ABTB3: variants seen among roughly 807,000 people sequenced by gnomAD.
The protein encoded by ABTB3 is ankyrin repeat and BTB domain containing 3, also known as ankyrin repeat- and BTB/POZ domain-containing protein 3.
the ABTB3 span, among the ~76,000 whole-genome samples, chr12:107,467,407 T>G: frequency 6.6e-6 from 1 of 152,168 alleles, no homozygotes; most frequent in Non-Finnish European, 1.5e-5. Context: ...AAGCCTGGTG[T>G]GGCCTGGCGT....
the ABTB3 span, among the ~76,000 whole-genome samples, chr12:107,526,494 T>C: frequency 6.6e-6 from 1 of 152,148 alleles, no homozygotes; most frequent in Non-Finnish European, 1.5e-5. Context: ...TAATTTGCTT[T>C]TGGTCCCATC....
the ABTB3 span, among the ~76,000 whole-genome samples, chr12:107,379,456 ACT>A: frequency 2.0e-5 from 3 of 151,828 alleles, no homozygotes; most frequent in South Asian, 6.3e-4. Context: ...CCCTGCACAC[ACT>A]CTCTTGCCTG....
chr12:107,342,448 C>T, the ABTB3 span, among the ~76,000 whole-genome samples: 1 of 152,164 alleles, frequency 6.6e-6, no homozygotes, highest in Non-Finnish European at 1.5e-5. Flanking sequence ...ATCTCCCACA[C>T]TGGCCAGAGC....
the ABTB3 span, among the ~76,000 whole-genome samples, chr12:107,435,009 G>C: frequency 6.6e-6 from 1 of 152,234 alleles, no homozygotes; most frequent in African/African-American, 2.4e-5. Flanking sequence ...TCCCTAGGCA[G>C]TCACCTTGTC....
the ABTB3 span, among the ~76,000 whole-genome samples, chr12:107,582,556 G>A: frequency 2.0e-5 from 3 of 152,188 alleles, no homozygotes; most frequent in African/African-American, 7.2e-5. Context: ...AGGGAGAGGC[G>A]AGGGAACGGT....
chr12:107,622,893 G>C, the ABTB3 span, among the ~76,000 whole-genome samples: 4 of 152,162 alleles, frequency 2.6e-5, no homozygotes, highest in Non-Finnish European at 5.9e-5. Flanking sequence ...TTATTGGTTT[G>C]TGCTCACTCA....
At chr12:107,380,269 T>G in the ABTB3 span, among the ~76,000 whole-genome samples, 1 of 152,226 alleles carries the variant, frequency 6.6e-6, no homozygotes, top group African/African-American at 2.4e-5. Flanking sequence ...CTTTATGGTT[T>G]TCATTACTCT....
the ABTB3 span, among the ~76,000 whole-genome samples, chr12:107,549,173 G>A: frequency 6.6e-6 from 1 of 152,246 alleles, no homozygotes; most frequent in South Asian, 2.1e-4. Context: ...AACTGTTTGA[G>A]GAAAACTAAT....
the ABTB3 span, among the ~76,000 whole-genome samples, chr12:107,620,843 C>A: frequency 1.3e-5 from 2 of 152,218 alleles, no homozygotes; most frequent in Non-Finnish European, 2.9e-5. Flanking sequence ...TTAAAAATAT[C>A]TTTGGGGTTT....
chr12:107,449,510 G>A, the ABTB3 span, among the ~76,000 whole-genome samples: 5 of 152,170 alleles, frequency 3.3e-5, no homozygotes, highest in East Asian at 5.8e-4. Flanking sequence ...ATCTTCAGCT[G>A]TTTTGGAATC....
At chr12:107,551,904 C>A in the ABTB3 span, among the ~76,000 whole-genome samples, 1 of 152,132 alleles carries the variant, frequency 6.6e-6, no homozygotes. Context: ...AGGCATGCAC[C>A]ACCATGCCCG....
chr12:107,408,365 A>G, the ABTB3 span, among the ~76,000 whole-genome samples: 1 of 152,204 alleles, frequency 6.6e-6, no homozygotes, highest in South Asian at 2.1e-4. Flanking sequence ...CAGCATTGAC[A>G]TTTCTAATTT....
the ABTB3 span, among the ~76,000 whole-genome samples, chr12:107,358,915 C>T: frequency 6.6e-6 from 1 of 152,172 alleles, no homozygotes; most frequent in Admixed American, 6.5e-5. Context: ...AAGGAGGCCT[C>T]CTAGGATTCT....
At chr12:107,637,673 A>G in the ABTB3 span, among the ~76,000 whole-genome samples, 1 of 152,132 alleles carries the variant, frequency 6.6e-6, no homozygotes, top group Admixed American at 6.6e-5. Context: ...AGTGACAAGG[A>G]TCTCAAACCG....
chr12:107,629,259 C>T, the ABTB3 span, among the ~76,000 whole-genome samples: 1 of 152,002 alleles, frequency 6.6e-6, no homozygotes, highest in Non-Finnish European at 1.5e-5. Flanking sequence ...TACACACACA[C>T]TAACACACAC....
the ABTB3 span, among the ~76,000 whole-genome samples, chr12:107,563,188 C>T: frequency 1.7e-4 from 26 of 152,316 alleles, no homozygotes; most frequent in Non-Finnish European, 2.5e-4. Flanking sequence ...CTATTTTTAT[C>T]ATTTTCCTTA....
chr12:107,580,331 C>T, the ABTB3 span, among the ~76,000 whole-genome samples: 2 of 152,232 alleles, frequency 1.3e-5, no homozygotes, highest in Admixed American at 6.5e-5. Context: ...AGTTTATCAT[C>T]ACTGGAAGAA....
At chr12:107,570,886 C>A in the ABTB3 span, among the ~76,000 whole-genome samples, 1 of 152,094 alleles carries the variant, frequency 6.6e-6, no homozygotes, top group Non-Finnish European at 1.5e-5. Flanking sequence ...TTCCTCTGGG[C>A]CTCTGTACAC....
the ABTB3 span, among the ~76,000 whole-genome samples, chr12:107,629,264 A>G: frequency 6.6e-6 from 1 of 152,092 alleles, no homozygotes; most frequent in East Asian, 1.9e-4. Context: ...ACACACTAAC[A>G]CACACACAAT....
Sources: allele counts gnomAD v4.1 joint callset (sites outside exome capture counted in the v4.1 genomes callset), GRCh38; gene constraint gnomAD v4.1.1; transcripts MANE v1.5; gene names NCBI Gene and HGNC (gene_info 2026-07-23, HGNC 2026-07-21).